ARHGEF4: variants seen among roughly 807,000 people sequenced by gnomAD.
The protein encoded by ARHGEF4 is Rho guanine nucleotide exchange factor 4, also known as APC-stimulated guanine nucleotide exchange factor 1.
A neutral mutation model predicts 162.0 loss-of-function variants in ARHGEF4; 119 were observed. That is an observed-to-expected ratio of 0.73 (90% CI 0.63 to 0.86). The LOEUF (loss-of-function observed/expected upper bound fraction) is 0.86. ARHGEF4 is among the 40% of genes least tolerant of loss of function. ARHGEF4 has a pLI of 0.00. For missense variants in ARHGEF4, 2,488 were observed against 2,456.0 expected (o/e 1.01, Z -0.28); for synonymous variants, 1,014 against 979.9 (o/e 1.03, Z -0.65).
intron 4 of ARHGEF4, among the ~76,000 whole-genome samples, chr2:131,009,504 A>G (rs1163349858): frequency 6.6e-6 from 1 of 152,088 alleles, no homozygotes; most frequent in Admixed American, 6.5e-5. Context: ...AGACCATAGT[A>G]TTTTCCCAAG....
Position 130,915,649 on chromosome 2 carries a change from C to T in ARHGEF4, c.1703C>T (p.Ala568Val). Reference protein sequence around the residue: ...KSSAIDTSKAAEEAMVLDPNY... With the variant: ...KSSAIDTSKAVEEAMVLDPNY... ...AGCGCAATAGACACTTCAAAGGCAGCCGAAGAAGCCATGGTTCTAGACCCC... is the reference window on the plus strand; with the variant it reads ...AGCGCAATAGACACTTCAAAGGCAGTCGAAGAAGCCATGGTTCTAGACCCC... The change falls in exon 2 of 14, where the codon GCC becomes GTC. Residue 568 changes from alanine (A) to valine (V), a missense_variant. By Grantham distance (64) the Ala-to-Val change is moderately conservative. Around this residue, in one of 6 missense-constraint regions of ARHGEF4, gnomAD observed 1,642 missense variants for 1,481.5 expected, o/e 1.11. Coordinates refer to ENST00000409359, the MANE Select transcript of ARHGEF4 (RefSeq NM_001367493.1). 3 of 1,550,438 alleles carry T rather than the reference C, an allele frequency of 1.9e-6. No individual in the cohort carries two copies. Among genetic ancestry groups the T allele is most frequent in the Non-Finnish European group, 2.6e-6 (3 of 1,146,974 alleles).
intron 4 of ARHGEF4, among the ~76,000 whole-genome samples, chr2:131,010,100 A>G (rs1261310726): frequency 6.6e-6 from 1 of 152,242 alleles, no homozygotes; most frequent in East Asian, 1.9e-4. Context: ...TTCAGGGGTC[A>G]GCCAGAGATT....
chr2:130,951,736 A>G (rs904718965), intron 4 of ARHGEF4, among the ~76,000 whole-genome samples: 1 of 152,170 alleles, frequency 6.6e-6, no homozygotes, highest in African/African-American at 2.4e-5. Context: ...TCATGTATAT[A>G]TATATAACTT....
chr2:130,897,362 G>A (rs1309086337), intron 1 of ARHGEF4, among the ~76,000 whole-genome samples: 3 of 152,202 alleles, frequency 2.0e-5, no homozygotes, highest in African/African-American at 7.2e-5. Context: ...GAGAATCCAT[G>A]CAACTGTGGC....
intron 4 of ARHGEF4, among the ~76,000 whole-genome samples, chr2:130,965,483 C>G (rs1471240730): frequency 6.6e-6 from 1 of 152,222 alleles, no homozygotes; most frequent in Non-Finnish European, 1.5e-5. Context: ...AGCTCTGATT[C>G]CATCACATCC....
intron 2 of ARHGEF4, among the ~76,000 whole-genome samples, chr2:130,924,475 C>T (rs1475669589): frequency 6.6e-6 from 1 of 152,124 alleles, no homozygotes; most frequent in Non-Finnish European, 1.5e-5. Flanking sequence ...ACTCTGTTGG[C>T]CAGGCTGGTC....
rs184507560 is a variant in ARHGEF4 at position 130,888,839 on chromosome 2, G to A, written c.40-25147G>A. Among the ~76,000 whole-genome samples the A allele has an allele frequency of 3.9e-5, 6 of 152,048 alleles. No individual in the cohort carries two copies. In the East Asian group the frequency reaches 9.7e-4, roughly 24 times the overall value. ...CTGTCGGCCAGGCGCAGTGGCTCAC[G>A]CCTGTAATCCCAGCACTCTGGGAGG... On this transcript the variant is annotated intron_variant, in intron 1 of 13. Transcript: ENST00000409359.
intron 5 of ARHGEF4, chr2:131,035,573 G>A: frequency 1.3e-6 from 1 of 787,862 alleles, no homozygotes; most frequent in Non-Finnish European, 1.6e-6. Context: ...CCGGCTGCTT[G>A]TCTGGAAACG....
rs1356972668 is a variant in ARHGEF4 at position 131,046,035 on chromosome 2, C to T, written c.5480-3C>T. 6.2e-7 allele frequency: 1 copy of T among 1,609,504 alleles called. No homozygotes were observed. The highest frequency in any genetic ancestry group is 1.3e-5 in the African/African-American group (1 of 74,908). On this transcript the variant is annotated splice_region_variant and splice_polypyrimidine_tract_variant and intron_variant, in intron 13 of 13. Coordinates refer to ENST00000409359, the MANE Select transcript of ARHGEF4 (RefSeq NM_001367493.1). ...TGACCCTCTGCTGTCTCTCCCTGTT[C>T]AGCTGTTGGCCGGCCCTGCTACCTG... is the stretch of plus-strand genomic sequence containing the variant.
At chr2:131,005,189 G>A (rs1437400544) in intron 4 of ARHGEF4, among the ~76,000 whole-genome samples, 4 of 152,208 alleles carry the variant, frequency 2.6e-5, no homozygotes, top group Non-Finnish European at 4.4e-5. Context: ...GAAGCCATCC[G>A]CAGTCAGCAG....
chr2:130,855,126 C>T (rs951640846), intron 1 of ARHGEF4, among the ~76,000 whole-genome samples: 3 of 151,906 alleles, frequency 2.0e-5, no homozygotes, highest in Non-Finnish European at 2.9e-5. Flanking sequence ...CCGCCTGCCT[C>T]GGCCTCCCAA....
intron 4 of ARHGEF4, among the ~76,000 whole-genome samples, chr2:131,020,761 C>T (rs1342488318): frequency 5.9e-5 from 9 of 152,144 alleles, no homozygotes; most frequent in Non-Finnish European, 1.0e-4. Context: ...CCTGAGGAAT[C>T]GCCACACTGA....
At chr2:130,839,264 G>A (rs767169473) in intron 1 of ARHGEF4, among the ~76,000 whole-genome samples, 7 of 152,180 alleles carry the variant, frequency 4.6e-5, no homozygotes, top group African/African-American at 9.7e-5. Context: ...GAGGAGCTAC[G>A]TGCTTCAGTC....
intron 4 of ARHGEF4, among the ~76,000 whole-genome samples, chr2:130,975,096 G>A (rs539899934): frequency 1.2e-4 from 19 of 152,248 alleles, no homozygotes; most frequent in South Asian, 1.0e-3. Context: ...ACGGATGGAC[G>A]TGCTGTCTGA....
intron 9 of ARHGEF4, 42 bp downstream of exon 9, chr2:131,041,504 AT>A: frequency 6.4e-7 from 1 of 1,567,904 alleles, no homozygotes; most frequent in Non-Finnish European, 8.7e-7. Context: ...ACGCCTCTGC[AT>A]GCCTCCAGTC....
intron 1 of ARHGEF4, among the ~76,000 whole-genome samples, chr2:130,882,808 G>A (rs2104964288): frequency 6.6e-6 from 1 of 152,000 alleles, no homozygotes; most frequent in East Asian, 1.9e-4. Context: ...GGCCAGGGTG[G>A]GGGTCTCAGT....
intron 1 of ARHGEF4, among the ~76,000 whole-genome samples, chr2:130,867,044 GA>G (rs1682326796): frequency 6.6e-6 from 1 of 152,028 alleles, no homozygotes; most frequent in South Asian, 2.1e-4. Context: ...TCCTTTAATA[GA>G]TATAGGCCTT....
chr2:130,915,758 T>C lies in ARHGEF4; in HGVS notation c.1812T>C (p.Gly604=), dbSNP rs1209729826. 2.0e-6 allele frequency: 3 copies of C among 1,537,660 alleles called. No homozygotes were observed. The South Asian group carries it at 3.6e-5, about 19-fold the overall frequency. The change falls in exon 2 of 14, where the codon GGT becomes GGC. Residue 604 remains glycine, a synonymous_variant. Transcript: ENST00000409359. The stretch of plus-strand genomic sequence containing the variant: ...ACTGCGGCCCCGGGGCTGAGGAGGG[T>C]GAACAGGGGCCTGGGGGTGCCGGGG... ...VSHCGPGAEE[G]EQGPGGAGGR...
At chr2:130,913,509 G>GT (rs202242067) in intron 1 of ARHGEF4, among the ~76,000 whole-genome samples, 67 of 152,038 alleles carry the variant, frequency 4.4e-4, no homozygotes, top group African/African-American at 1.5e-3. Context: ...TACTTTTTGT[G>GT]TTTTTTTGTT....
Sources: gnomAD v4.1 joint callset for allele counts (sites outside exome capture counted in the v4.1 genomes callset) on GRCh38, gnomAD v4.1.1 for gene constraint, gnomAD v4.1.1 regional missense constraint, MANE v1.5 for transcripts, NCBI Gene and HGNC (gene_info 2026-07-23, HGNC 2026-07-21) for gene names.